The following OR6F1 variants were observed in gnomAD, a reference collection of about 807,000 sequenced individuals.
The protein encoded by OR6F1 is olfactory receptor 6F1.
For missense variants in OR6F1, 346 were observed against 376.0 expected (o/e 0.92, Z 0.66); for synonymous variants, 144 against 150.0 (o/e 0.96, Z 0.29).
rs1660006614 is a variant in OR6F1, at chr1:247,711,842, C to T, written c.914G>A (p.Trp305Ter). 1.2e-6 allele frequency: 2 copies of T among 1,608,938 alleles called. No homozygotes were observed. Among genetic ancestry groups the T allele is most frequent in the Admixed American group, 1.7e-5 (1 of 59,884 alleles). Residue 305 changes from tryptophan (W) to a stop codon, truncating the protein, a stop_gained, in exon 3 of 3, where the codon TGG becomes TAG. Coordinates refer to ENST00000641470, the MANE Select transcript of OR6F1 (RefSeq NM_001005286.2). LOFTEE classifies it high-confidence loss of function. The part of the protein sequence containing the change: ...KEVRETLLKK[W>*]KGK ...GGTAGAGGAGATTTATTTTCCCTTC[C>T]ATTTCTTCAGCAGAGTCTCTCTTAC...
rs149671274 is a variant in OR6F1 at position 247,711,974 on chromosome 1, C to T, written c.782G>A (p.Arg261His). 1.2e-4 allele frequency: 196 copies of T among 1,614,060 alleles called. No homozygotes were observed. The African/African-American group carries it at 1.9e-3, about 16-fold the overall frequency. Reference protein sequence around the residue: ...WYGSTVFLHVRTSIKDALDLI... With the variant: ...WYGSTVFLHVHTSIKDALDLI... ...ATCCAAGGCATCTTTGATAGAGGTG[C>T]GGACGTGAAGGAAAACTGTGGACCC... is the stretch of plus-strand genomic sequence containing the variant. Residue 261 changes from arginine (R) to histidine (H), a missense_variant, in exon 3 of 3, where the codon CGC becomes CAC. Transcript: ENST00000641470.
In OR6F1 at chr1:247,712,380, T is replaced by C. The variant is rs61730471; in HGVS notation, c.376A>G (p.Ile126Val). ...GCTCCGTAGTGTAAAGGATAGCAGATGGCAAGACAGCGGTCATAAGCCATG... is the reference window on the plus strand; with the variant it reads ...GCTCCGTAGTGTAAAGGATAGCAGACGGCAAGACAGCGGTCATAAGCCATG... ...AAMAYDRCLAICYPLHYGAIM... is the reference protein window; with the variant it reads ...AAMAYDRCLAVCYPLHYGAIM... Residue 126 changes from isoleucine to valine, a missense_variant, in exon 3 of 3, where the codon ATC becomes GTC. Transcript: ENST00000641470. 25 of 1,614,092 alleles carry C rather than the reference T, an allele frequency of 1.5e-5. No individual in the cohort carries two copies. The highest frequency in any genetic ancestry group is 9.9e-5 in the South Asian group (9 of 91,084).
intron 1 of OR6F1, among the ~76,000 whole-genome samples, 191 bp downstream of exon 1, chr1:247,716,140 C>T (rs1660100320): frequency 6.6e-6 from 1 of 152,052 alleles, no homozygotes. Flanking sequence ...GTAGTCCCAG[C>T]TACTCGGGAG....
chr1:247,713,666 G>A lies in OR6F1; in HGVS notation c.-63+225C>T, dbSNP rs60085550. Among the ~76,000 whole-genome samples, 1,451 of 152,318 alleles carry A rather than the reference G, an allele frequency of 9.5e-3. 24 individuals carry two copies. Among genetic ancestry groups the A allele is most frequent in the African/African-American group, 0.033 (1,381 of 41,588 alleles). ...GACCAAAACCTATGTTTAGGAGACA[G>A]AGTTTTGAAGAAAGACAGTGAAGAC... On this transcript the variant is annotated intron_variant, in intron 2 of 2. Transcript: ENST00000641470.
In OR6F1 at chr1:247,712,572, A is replaced by G. The variant is rs142466420; in HGVS notation, c.184T>C (p.Phe62Leu). 1.9e-6 allele frequency: 3 copies of G among 1,614,166 alleles called. No homozygotes were observed. Among genetic ancestry groups the G allele is most frequent in the South Asian group, 1.1e-5 (1 of 91,082 alleles). The change falls in exon 3 of 3, where the codon TTT becomes CTT. Residue 62 changes from phenylalanine to leucine, a missense_variant. Phe to Leu is a conservative substitution (Grantham distance 22). Coordinates refer to ENST00000641470, the MANE Select transcript of OR6F1 (RefSeq NM_001005286.2). Reference protein sequence around the residue: ...SHQLHTPMYFFLSNLSFLEIW... With the variant: ...SHQLHTPMYFLLSNLSFLEIW... Reference sequence around the variant, plus strand: ...TCCAGGAAGGAGAGGTTGCTCAGAAAGAAGTACATGGGGGTATGCAACTGA... The same window carrying G: ...TCCAGGAAGGAGAGGTTGCTCAGAAGGAAGTACATGGGGGTATGCAACTGA...
chr1:247,716,409 TTTTC>T lies in OR6F1; in HGVS notation c.-209_-206del, dbSNP rs1293434409. 1.3e-5 allele frequency: 2 copies of T among 152,214 alleles called. No individual in the cohort carries two copies. The highest frequency in any genetic ancestry group is 4.8e-5 in the African/African-American group (2 of 41,458). 9.4% of individuals were successfully genotyped at this position (152,214 alleles called of 1,614,324 possible). On this transcript the variant is annotated 5_prime_UTR_variant, in exon 1 of 3. The change creates a premature stop within an existing upstream ORF in the 5' untranslated region. Coordinates refer to ENST00000641470, the MANE Select transcript of OR6F1 (RefSeq NM_001005286.2). ...CTTTTACTCATTTTTTATTCCATGA[TTTTC>T]TTTATTTAAAAATAATATATTTTGA...
rs762886624 is a variant in OR6F1, at chr1:247,711,879, G to A, written c.877C>T (p.Arg293Cys). 1.1e-4 allele frequency: 170 copies of A among 1,613,574 alleles called. No individual in the cohort carries two copies. Among genetic ancestry groups the A allele is most frequent in the East Asian group, 2.2e-4 (10 of 44,884 alleles). The change falls in exon 3 of 3, where the codon CGT (arginine) becomes TGT (cysteine). Residue 293 changes from arginine to cysteine, a missense_variant. Transcript: ENST00000641470. ...PVLNPFIYTL[R>C]NKEVRETLLK... ...AGAGTCTCTCTTACTTCCTTATTACGAAGCGTATAGATGAAGGGGTTTAAA... is the reference window on the plus strand; with the variant it reads ...AGAGTCTCTCTTACTTCCTTATTACAAAGCGTATAGATGAAGGGGTTTAAA...
chr1:247,714,241 C>A (rs1401788042), intron 1 of OR6F1, among the ~76,000 whole-genome samples: 5 of 152,116 alleles, frequency 3.3e-5, no homozygotes, highest in African/African-American at 7.2e-5. Flanking sequence ...ACAAGAAAAA[C>A]TCTCTGGCCG....
At position 247,712,780 on chromosome 1, in the gene OR6F1, A is replaced by G; in HGVS notation, c.-25T>C. Reference sequence around the variant, plus strand: ...TTGTGGTACTGAAACCAGAAAACAGAGTCCCCGCACTGAGCCCTTTAACCC... The same window carrying G: ...TTGTGGTACTGAAACCAGAAAACAGGGTCCCCGCACTGAGCCCTTTAACCC... On this transcript the variant is annotated 5_prime_UTR_variant, in exon 3 of 3. Coordinates refer to ENST00000641470, the MANE Select transcript of OR6F1 (RefSeq NM_001005286.2). 1 of 1,452,156 alleles carries G rather than the reference A, an allele frequency of 6.9e-7. No homozygotes were observed. Among genetic ancestry groups the G allele is most frequent in the Non-Finnish European group, 9.5e-7 (1 of 1,050,922 alleles). The allele number at this position is 1,452,156 out of a possible 1,614,324, so 90.0% of individuals were successfully genotyped here.
At position 247,712,321 on chromosome 1, in the gene OR6F1, G is replaced by A. The variant is rs61730472; in HGVS notation, c.435C>T (p.Ala145=). ...CGAAACCACACACCCAGGAGCCCAG[G>A]GCCAGCTGCGCTGAGAGCAGGCTAC... The part of the protein sequence containing the change: ...IMSSLLSAQL[A]LGSWVCGFVA... Residue 145 remains alanine (A), a synonymous_variant, in exon 3 of 3, where the codon GCC becomes GCT. Coordinates refer to ENST00000641470, the MANE Select transcript of OR6F1 (RefSeq NM_001005286.2). The A allele has an allele frequency of 3.7e-3, 5,956 of 1,614,110 alleles. 211 individuals are homozygous for A. In the African/African-American group the frequency reaches 0.07, roughly 19 times the overall value.
At position 247,711,958 on chromosome 1, in the gene OR6F1, A is replaced by G; in HGVS notation, c.798T>C (p.Asp266=). The change falls in exon 3 of 3, where the codon GAT becomes GAC. Residue 266 remains aspartate, a synonymous_variant. Transcript: ENST00000641470. ...GGACAGCTTTGATCAGATCCAAGGC[A>G]TCTTTGATAGAGGTGCGGACGTGAA... is the stretch of plus-strand genomic sequence containing the variant. ...VFLHVRTSIK[D]ALDLIKAVHV... is the part of the protein sequence containing the mutation. The G allele has an allele frequency of 1.9e-6, 3 of 1,614,072 alleles. No homozygotes were observed. Among genetic ancestry groups the G allele is most frequent in the South Asian group, 1.1e-5 (1 of 91,084 alleles).
rs1660029800 is a variant in OR6F1 at position 247,712,620 on chromosome 1, A to G, written c.136T>C (p.Leu46=). The G allele has an allele frequency of 2.5e-6, 4 of 1,613,922 alleles. No individual in the cohort carries two copies. Among genetic ancestry groups the G allele is most frequent in the East Asian group, 2.2e-5 (1 of 44,894 alleles). ...ILTVSGNVAI[L]MLVSTSHQLH... ...TGATGGGAGGTGCTCACCAACATCAAGATAGCCACATTACCACTAACTGTG... is the reference window on the plus strand; with the variant it reads ...TGATGGGAGGTGCTCACCAACATCAGGATAGCCACATTACCACTAACTGTG... Residue 46 remains leucine (L), a synonymous_variant, in exon 3 of 3, where the codon TTG becomes CTG. Transcript: ENST00000641470.
rs1371935344 is a variant in OR6F1 at position 247,712,281 on chromosome 1, G to GC, written c.474dup (p.Pro159AlafsTer22). On this transcript the variant is annotated frameshift_variant, in exon 3 of 3. Transcript: ENST00000641470. LOFTEE classifies it low-confidence loss of function (END_TRUNC). ...GACAGGCCACTGATGAGGGCTGTGG[G>GC]CACTGCAATGGCCACGAAACCACAC... 3 of 1,613,960 alleles carry GC rather than the reference G, an allele frequency of 1.9e-6. No homozygotes were observed. The highest frequency in any genetic ancestry group is 2.7e-5 in the African/African-American group (2 of 74,880).
Position 247,712,232 on chromosome 1 carries a change from T to G in OR6F1, c.524A>C (p.Asn175Thr). The stretch of plus-strand genomic sequence containing the variant: ...GGGTGCAATGTCACAGAAGAAGTGG[T>G]TGATGGCACGGGGGCCACAGAAGGA... ...GLSFCGPRAI[N>T]HFFCDIAPWI... Residue 175 changes from asparagine (N) to threonine (T), a missense_variant, in exon 3 of 3, where the codon AAC becomes ACC. Transcript: ENST00000641470. 6.2e-7 allele frequency: 1 copy of G among 1,614,174 alleles called. No individual in the cohort carries two copies. Among genetic ancestry groups the G allele is most frequent in the Non-Finnish European group, 8.5e-7 (1 of 1,180,016 alleles).
chr1:247,716,094 A>T (rs1288387332), intron 1 of OR6F1, among the ~76,000 whole-genome samples: 4 of 152,074 alleles, frequency 2.6e-5, no homozygotes, highest in African/African-American at 9.7e-5. Context: ...CTCTACTAAA[A>T]ATACAAAAAT....
rs1433379941 is a variant in OR6F1, at chr1:247,712,771, A to G, written c.-16T>C. 6 of 1,515,380 alleles carry G rather than the reference A, an allele frequency of 4.0e-6. No individual in the cohort carries two copies. The highest frequency in any genetic ancestry group is 1.7e-5 in the Admixed American group (1 of 58,968). 93.9% of individuals were successfully genotyped at this position (1,515,380 alleles called of 1,614,324 possible). On this transcript the variant is annotated 5_prime_UTR_variant, in exon 3 of 3. Coordinates refer to ENST00000641470, the MANE Select transcript of OR6F1 (RefSeq NM_001005286.2). ...CTGTGTCCATTGTGGTACTGAAACC[A>G]GAAAACAGAGTCCCCGCACTGAGCC... is the stretch of plus-strand genomic sequence containing the variant.
At chr1:247,715,565 G>A (rs1232952635) in intron 1 of OR6F1, among the ~76,000 whole-genome samples, 2 of 152,084 alleles carry the variant, frequency 1.3e-5, no homozygotes, top group African/African-American at 4.8e-5. Context: ...CTCTAGACTC[G>A]AGTGTTTCTC....
chr1:247,714,432 T>A (rs1414367227), intron 1 of OR6F1, among the ~76,000 whole-genome samples: 1 of 150,432 alleles, frequency 6.6e-6, no homozygotes, highest in Non-Finnish European at 1.5e-5. Flanking sequence ...GAGAACCCCT[T>A]CCTTTGTCTT....
chr1:247,715,871 A>G (rs1057356860), intron 1 of OR6F1, among the ~76,000 whole-genome samples: 1 of 152,210 alleles, frequency 6.6e-6, no homozygotes, highest in Non-Finnish European at 1.5e-5. Context: ...AAACACCTAC[A>G]TTAAAATTGT....
Sources: allele counts gnomAD v4.1 joint callset (sites outside exome capture counted in the v4.1 genomes callset), GRCh38; gene constraint gnomAD v4.1.1; transcripts MANE v1.5; gene names NCBI Gene and HGNC (gene_info 2026-07-23, HGNC 2026-07-21).